Variants in SLITRK6 observed in about 807,000 individuals in gnomAD.
SLITRK6 encodes the protein SLIT and NTRK-like protein 6.
In SLITRK6, 35 loss-of-function variants were observed where a neutral mutation model predicts 55.6. The ratio of observed to expected loss-of-function variants is 0.63; its 90% CI spans 0.48 to 0.83. The LOEUF is 0.83. Among genes scored for constraint, SLITRK6 ranks in the 40% least tolerant of loss-of-function variants. The probability of loss-of-function intolerance (pLI) is 0.00; values close to 1 mark genes in which losing one functional copy is unlikely to be tolerated. For synonymous variants in SLITRK6, 392 were observed against 359.6 expected, an observed-to-expected ratio of 1.09 and a Z score of -1.02; for missense variants, 977 against 986.4, an observed-to-expected ratio of 0.99 and a Z score of 0.13.
Position 85,795,499 on chromosome 13 carries a change from AC to A in SLITRK6, c.1009del (p.Val337SerfsTer8), listed in dbSNP as rs776544447. 1 of 1,613,032 alleles carries A rather than the reference AC, an allele frequency of 6.2e-7. No homozygotes were observed. The highest frequency in any genetic ancestry group is 8.5e-7 in the Non-Finnish European group (1 of 1,179,416). The part of the protein sequence containing the change: ...PYCPIPCNCK[V>X]LSPSGLLIHC... ...TATTAGAAGTCCTGATGGGGATAGG[AC>A]TTTGCAGTTACAAGGAATAGGGCAG... On this transcript the variant is annotated frameshift_variant, in exon 2 of 2. Coordinates refer to ENST00000647374, the MANE Select transcript of SLITRK6 (RefSeq NM_032229.3). LOFTEE classifies it high-confidence loss of function.
At position 85,795,277 on chromosome 13, in the gene SLITRK6, G is replaced by C. The variant is rs530177141; in HGVS notation, c.1232C>G (p.Thr411Arg). The change falls in exon 2 of 2, where the codon ACG becomes AGG. Residue 411 changes from threonine (T) to arginine (R), a missense_variant. By Grantham distance (71) the Thr-to-Arg change is moderately conservative. Coordinates refer to ENST00000647374, the MANE Select transcript of SLITRK6 (RefSeq NM_032229.3). ...VLEEGSFMNL[T>R]RLQKLYLNGN... ...ATTTAGATAGAGTTTTTGTAATCTC[G>C]TTAGGTTCATAAACGATCCTTCTTC... 2.4e-4 allele frequency: 390 copies of C among 1,612,650 alleles called. 1 individual carries two copies. In the South Asian group the frequency reaches 4.0e-3, roughly 17 times the overall value.
At position 85,793,893 on chromosome 13, in the gene SLITRK6, T is replaced by G; in HGVS notation, c.*90A>C. On this transcript the variant is annotated 3_prime_UTR_variant, in exon 2 of 2. Coordinates refer to ENST00000647374, the MANE Select transcript of SLITRK6 (RefSeq NM_032229.3). ...TTTACTGCTGTGCTTAGGTTCTGAT[T>G]GATGACACACTCACGTAAGGCACTT... 7.0e-7 allele frequency: 1 copy of G among 1,431,022 alleles called. No individual in the cohort carries two copies. The highest frequency in any genetic ancestry group is 9.4e-7 in the Non-Finnish European group (1 of 1,068,372). The allele number at this position is 1,431,022 out of a possible 1,614,324, so 88.6% of individuals were successfully genotyped here.
intron 1 of SLITRK6, among the ~76,000 whole-genome samples, chr13:85,797,533 A>G (rs1407982267): frequency 6.6e-6 from 1 of 151,826 alleles, no homozygotes; most frequent in Admixed American, 6.6e-5. Context: ...GTCTTGAAAC[A>G]GTCTTTAGGG....
In SLITRK6 at chr13:85,794,021, C is replaced by T; in HGVS notation, c.2488G>A (p.Glu830Lys). The change falls in exon 2 of 2, where the codon GAA (glutamate) becomes AAA (lysine). Residue 830 changes from glutamate to lysine, a missense_variant. Physicochemically the swap from Glu to Lys is moderately conservative, Grantham distance 56 (BLOSUM62 1). Coordinates refer to ENST00000647374, the MANE Select transcript of SLITRK6 (RefSeq NM_032229.3). Reference protein sequence around the residue: ...YFELKANLHAEPDYLEVLEQQ... With the variant: ...YFELKANLHAKPDYLEVLEQQ... ...TCCAGGACTTCTAAATAGTCAGGTTCAGCATGTAAATTAGCTTTAAGTTCA... is the reference window on the plus strand; with the variant it reads ...TCCAGGACTTCTAAATAGTCAGGTTTAGCATGTAAATTAGCTTTAAGTTCA... The T allele has an allele frequency of 6.2e-7, 1 of 1,610,386 alleles. No individual in the cohort carries two copies. The highest frequency in any genetic ancestry group is 8.5e-7 in the Non-Finnish European group (1 of 1,178,248).
chr13:85,796,004 C>T lies in SLITRK6; in HGVS notation c.505G>A (p.Asp169Asn). 1 of 1,613,076 alleles carries T rather than the reference C, an allele frequency of 6.2e-7. No homozygotes were observed. Among genetic ancestry groups the T allele is most frequent in the Non-Finnish European group, 8.5e-7 (1 of 1,179,432 alleles). ...LNRLKVLILN[D>N]NAIESLPPNI... ...GGAGGAAGACTCTCAATAGCATTGT[C>T]ATTTAAAATTAACACTTTGAGTCTG... Residue 169 changes from aspartate to asparagine, a missense_variant, in exon 2 of 2, where the codon GAC becomes AAC. Asp to Asn is a conservative substitution (Grantham distance 23). Coordinates refer to ENST00000647374, the MANE Select transcript of SLITRK6 (RefSeq NM_032229.3).
At position 85,794,277 on chromosome 13, in the gene SLITRK6, T is replaced by C; in HGVS notation, c.2232A>G (p.Thr744=). 6.2e-7 allele frequency: 1 copy of C among 1,613,390 alleles called. No individual in the cohort carries two copies. The highest frequency in any genetic ancestry group is 1.7e-4 in the Middle Eastern group (1 of 6,054). ...NMKYKTTNQS[T]EFLSFQDASS... is the part of the protein sequence containing the mutation. ...TGGCATCTTGGAAGGATAAAAATTC[T>C]GTTGATTGGTTCGTGGTTTTGTATT... The change falls in exon 2 of 2, where the codon ACA becomes ACG. Residue 744 remains threonine (T), a synonymous_variant. Transcript: ENST00000647374.
chr13:85,794,976 C>T lies in SLITRK6; in HGVS notation c.1533G>A (p.Gln511=). The T allele has an allele frequency of 6.2e-7, 1 of 1,613,064 alleles. No homozygotes were observed. The highest frequency in any genetic ancestry group is 8.5e-7 in the Non-Finnish European group (1 of 1,179,486). ...NILDDLDLLT[Q]IDLEDNPWDC... is the part of the protein sequence containing the mutation. ...CCCAGGGGTTATCCTCAAGGTCAAT[C>T]TGGGTTAGCAAATCAAGATCATCCA... The change falls in exon 2 of 2, where the codon CAG becomes CAA. Residue 511 remains glutamine, a synonymous_variant. Coordinates refer to ENST00000647374, the MANE Select transcript of SLITRK6 (RefSeq NM_032229.3).
rs186215698 is a variant in SLITRK6, at chr13:85,795,937, C to T, written c.572G>A (p.Arg191His). 5 of 1,612,822 alleles carry T rather than the reference C, an allele frequency of 3.1e-6. No homozygotes were observed. Among genetic ancestry groups the T allele is most frequent in the East Asian group, 2.2e-5 (1 of 44,834 alleles). The change falls in exon 2 of 2, where the codon CGT becomes CAT. Residue 191 changes from arginine (R) to histidine (H), a missense_variant. Physicochemically the swap from Arg to His is conservative, Grantham distance 29 (BLOSUM62 0). Transcript: ENST00000647374. ...AGGCAATGTTTGTAATTGATTTCCA[C>T]GAAGATCTAGATGGGTTAAAGGAAC... ...RFVPLTHLDL[R>H]GNQLQTLPYV...
intron 1 of SLITRK6, among the ~76,000 whole-genome samples, chr13:85,797,083 TG>T (rs1874749643): frequency 6.6e-6 from 1 of 151,500 alleles, no homozygotes; most frequent in African/African-American, 2.4e-5. Flanking sequence ...GTCTTTATAT[TG>T]TTGAACTGGG....
In SLITRK6 at chr13:85,794,862, G is replaced by C. The variant is rs370271415; in HGVS notation, c.1647C>G (p.Pro549=). The C allele has an allele frequency of 5.0e-6, 8 of 1,612,900 alleles. No individual in the cohort carries two copies. In the East Asian group the frequency reaches 1.3e-4, roughly 27 times the overall value. ...TCAATTCCTTTTTGTCGAGATGCCC[G>C]GGGGAAGTGCAGAGGATGTCATCTG... The part of the protein sequence containing the change: ...TVTDDILCTS[P]GHLDKKELKA... The change falls in exon 2 of 2, where the codon CCC becomes CCG. Residue 549 remains proline, a synonymous_variant. Transcript: ENST00000647374.
At chr13:85,796,647 T>A in intron 1 of SLITRK6, 115 bp from the exon 2 acceptor site, 2 of 787,326 alleles carry the variant, frequency 2.5e-6, no homozygotes, top group African/African-American at 1.8e-5. Context: ...CGGATTACCA[T>A]GAAAATATGG....
chr13:85,795,549 T>C lies in SLITRK6; in HGVS notation c.960A>G (p.Pro320=), dbSNP rs754434072. 6.2e-7 allele frequency: 1 copy of C among 1,612,912 alleles called. No individual in the cohort carries two copies. Among genetic ancestry groups the C allele is most frequent in the South Asian group, 1.1e-5 (1 of 91,056 alleles). ...APGLIPYITK[P]STQLPGPYCP... ...AGTAAGGTCCTGGAAGTTGAGTGGA[T>C]GGCTTTGTAATATAAGGTATCAAAC... Residue 320 remains proline (P), a synonymous_variant, in exon 2 of 2, where the codon CCA becomes CCG. Transcript: ENST00000647374.
rs375315827 is a variant in SLITRK6, at chr13:85,795,506, A to G, written c.1003T>C (p.Cys335Arg). ...AGTCCTGATGGGGATAGGACTTTGC[A>G]GTTACAAGGAATAGGGCAGTAAGGT... ...PGPYCPIPCN[C>R]KVLSPSGLLI... The change falls in exon 2 of 2, where the codon TGC becomes CGC. Residue 335 changes from cysteine (C) to arginine (R), a missense_variant. Physicochemically the swap from Cys to Arg is radical, Grantham distance 180. Coordinates refer to ENST00000647374, the MANE Select transcript of SLITRK6 (RefSeq NM_032229.3). 3 of 1,612,904 alleles carry G rather than the reference A, an allele frequency of 1.9e-6. No homozygotes were observed. Among genetic ancestry groups the G allele is most frequent in the Non-Finnish European group, 2.5e-6 (3 of 1,179,442 alleles).
chr13:85,794,611 A>C lies in SLITRK6; in HGVS notation c.1898T>G (p.Leu633Arg), dbSNP rs1270129647. 6.2e-7 allele frequency: 1 copy of C among 1,613,136 alleles called. No homozygotes were observed. Among genetic ancestry groups the C allele is most frequent in the Non-Finnish European group, 8.5e-7 (1 of 1,179,544 alleles). The change falls in exon 2 of 2, where the codon CTT becomes CGT. Residue 633 changes from leucine (L) to arginine (R), a missense_variant. Coordinates refer to ENST00000647374, the MANE Select transcript of SLITRK6 (RefSeq NM_032229.3). ...FCAAGIVVLV[L>R]HRRRRYKKKQ... The stretch of plus-strand genomic sequence containing the variant: ...CTTTTTGTATCTTCTCCTGCGGTGA[A>C]GAACAAGAACCACTATCCCTGCAGC...
Position 85,795,487 on chromosome 13 carries a change from G to T in SLITRK6, c.1022C>A (p.Ser341Ter). 1 of 1,612,998 alleles carries T rather than the reference G, an allele frequency of 6.2e-7. No homozygotes were observed. Among genetic ancestry groups the T allele is most frequent in the Non-Finnish European group, 8.5e-7 (1 of 1,179,384 alleles). Residue 341 changes from serine to a stop codon, truncating the protein, a stop_gained, in exon 2 of 2, where the codon TCA becomes TAA. Transcript: ENST00000647374. LOFTEE classifies it high-confidence loss of function. ...IPCNCKVLSPSGLLIHCQERN... is the reference protein window; with the variant it reads ...IPCNCKVLSP Reference sequence around the variant, plus strand: ...CTCCTGACAATGTATTAGAAGTCCTGATGGGGATAGGACTTTGCAGTTACA... The same window carrying T: ...CTCCTGACAATGTATTAGAAGTCCTTATGGGGATAGGACTTTGCAGTTACA...
In SLITRK6 at chr13:85,794,139, A is replaced by G. The variant is rs747829373; in HGVS notation, c.2370T>C (p.Tyr790=). 6.2e-7 allele frequency: 1 copy of G among 1,613,114 alleles called. No homozygotes were observed. The highest frequency in any genetic ancestry group is 2.2e-5 in the East Asian group (1 of 44,840). The change falls in exon 2 of 2, where the codon TAT becomes TAC. Residue 790 remains tyrosine (Y), a synonymous_variant. Coordinates refer to ENST00000647374, the MANE Select transcript of SLITRK6 (RefSeq NM_032229.3). ...AQLQPDMEAH[Y]PGAHEELKLM... is the part of the protein sequence containing the mutation. ...ACTTCAGCTCTTCGTGGGCTCCAGG[A>G]TAATGTGCCTCCATATCAGGCTGGA...
chr13:85,794,664 C>G lies in SLITRK6; in HGVS notation c.1845G>C (p.Leu615=). The G allele has an allele frequency of 6.2e-7, 1 of 1,613,238 alleles. No individual in the cohort carries two copies. The highest frequency in any genetic ancestry group is 8.5e-7 in the Non-Finnish European group (1 of 1,179,552). The change falls in exon 2 of 2, where the codon CTG becomes CTC. Residue 615 remains leucine (L), a synonymous_variant. Coordinates refer to ENST00000647374, the MANE Select transcript of SLITRK6 (RefSeq NM_032229.3). ...AGAAAACAATAGTGATGAACATAAT[C>G]AGAAGTCCCAATATTAGAACAGACA... The part of the protein sequence containing the change: ...VPLSVLILGL[L]IMFITIVFCA...
Position 85,795,362 on chromosome 13 carries a change from G to A in SLITRK6, c.1147C>T (p.Leu383=), listed in dbSNP as rs375484385. The change falls in exon 2 of 2, where the codon CTA becomes TTA. Residue 383 remains leucine (L), a synonymous_variant. Transcript: ENST00000647374. Reference sequence around the variant, plus strand: ...ATTTCCAAAGTGAAATATTCCACTAGATCAGACTTCATTAAACTGTGAATA... The same window carrying A: ...ATTTCCAAAGTGAAATATTCCACTAAATCAGACTTCATTAAACTGTGAATA... ...NIIHSLMKSD[L]VEYFTLEMLH... is the part of the protein sequence containing the mutation. The A allele has an allele frequency of 1.1e-5, 17 of 1,612,640 alleles. No homozygotes were observed. In the African/African-American group the frequency reaches 2.3e-4, roughly 22 times the overall value.
At position 85,796,001 on chromosome 13, in the gene SLITRK6, T is replaced by G; in HGVS notation, c.508A>C (p.Asn170His). ...NRLKVLILND[N>H]AIESLPPNIF... is the part of the protein sequence containing the mutation. ...TTTGGAGGAAGACTCTCAATAGCAT[T>G]GTCATTTAAAATTAACACTTTGAGT... The change falls in exon 2 of 2, where the codon AAT (asparagine) becomes CAT (histidine). Residue 170 changes from asparagine (N) to histidine (H), a missense_variant. Asn to His is a moderately conservative substitution (Grantham distance 68). Transcript: ENST00000647374. 6.2e-7 allele frequency: 1 copy of G among 1,613,144 alleles called. No homozygotes were observed. The highest frequency in any genetic ancestry group is 1.1e-5 in the South Asian group (1 of 91,062).
Sources: gnomAD v4.1 joint callset for allele counts (sites outside exome capture counted in the v4.1 genomes callset) on GRCh38, gnomAD v4.1.1 for gene constraint, MANE v1.5 for transcripts, NCBI Gene and HGNC (gene_info 2026-07-23, HGNC 2026-07-21) for gene names.